The following CLSTN1 variants were observed in gnomAD, a reference collection of about 807,000 sequenced individuals.
CLSTN1 encodes the protein calsyntenin 1, also known as calsyntenin-1.
Under a neutral mutation model 108.3 loss-of-function variants are expected in CLSTN1, and 28 were observed. That is an observed-to-expected ratio of 0.26 (90% CI 0.19 to 0.35). The LOEUF is 0.35. Ranked by LOEUF, CLSTN1 falls within the 10% of genes least tolerant of loss-of-function variation. CLSTN1 has a pLI of 1.00. For missense variants in CLSTN1, 1,157 were observed against 1,302.6 expected, an observed-to-expected ratio of 0.89 and a Z score of 1.72; for synonymous variants, 524 against 534.9, an observed-to-expected ratio of 0.98 and a Z score of 0.28.
At chr1:9,755,078 G>A (rs745954269) in intron 4 of CLSTN1, 36 bp downstream of exon 4, 21 of 1,573,154 alleles carry the variant, frequency 1.3e-5, no homozygotes, top group Admixed American at 1.7e-5. Flanking sequence ...ACGTTTACTC[G>A]GTGGGTTATG....
chr1:9,739,795 G>C (rs1650878530), intron 10 of CLSTN1, among the ~76,000 whole-genome samples: 1 of 151,632 alleles, frequency 6.6e-6, no homozygotes, highest in East Asian at 1.9e-4. Flanking sequence ...CTGTTGCTCG[G>C]GCTGGAGTGC....
At chr1:9,788,519 G>A (rs2101216055) in intron 1 of CLSTN1, among the ~76,000 whole-genome samples, 1 of 150,876 alleles carries the variant, frequency 6.6e-6, no homozygotes, top group East Asian at 2.0e-4. Context: ...AGTGAGCTGA[G>A]ATCATGCCAC....
At chr1:9,811,365 G>A (rs1214873377) in intron 1 of CLSTN1, among the ~76,000 whole-genome samples, 1 of 152,194 alleles carries the variant, frequency 6.6e-6, no homozygotes, top group Admixed American at 6.5e-5. Context: ...AGGTAAACAA[G>A]AGGCGGCTCT....
intron 1 of CLSTN1, among the ~76,000 whole-genome samples, chr1:9,796,692 G>GA (rs932876416): frequency 6.6e-6 from 1 of 151,956 alleles, no homozygotes; most frequent in Non-Finnish European, 1.5e-5. Flanking sequence ...TCAAAAAAAA[G>GA]AAAGAAAAGA....
intron 10 of CLSTN1, among the ~76,000 whole-genome samples, chr1:9,739,944 G>A (rs1650890827): frequency 6.6e-6 from 1 of 151,558 alleles, no homozygotes; most frequent in African/African-American, 2.4e-5. Context: ...AGCCTCCCGA[G>A]TAGCTGGGAC....
chr1:9,750,004 T>A, intron 5 of CLSTN1, 91 bp from the exon 6 acceptor site: 2 of 1,035,342 alleles, frequency 1.9e-6, no homozygotes, highest in Non-Finnish European at 2.9e-6. Flanking sequence ...GCATAGGCTT[T>A]AAGCCCTGTA....
At chr1:9,802,351 C>T (rs1020014642) in intron 1 of CLSTN1, among the ~76,000 whole-genome samples, 2 of 152,226 alleles carry the variant, frequency 1.3e-5, no homozygotes, top group Non-Finnish European at 2.9e-5. Flanking sequence ...GAGGATCCTA[C>T]GTCAAAAGCT....
At chr1:9,740,026 C>A (rs1650895598) in intron 10 of CLSTN1, among the ~76,000 whole-genome samples, 1 of 151,762 alleles carries the variant, frequency 6.6e-6, no homozygotes, top group Non-Finnish European at 1.5e-5. Context: ...CTGTGTTAGC[C>A]AGGATGGTCT....
chr1:9,781,476 T>G (rs1653244386), intron 1 of CLSTN1, among the ~76,000 whole-genome samples: 1 of 151,510 alleles, frequency 6.6e-6, no homozygotes, highest in Non-Finnish European at 1.5e-5. Context: ...GGAGTTTCGC[T>G]CTTGTCACCC....
chr1:9,787,474 G>A (rs941979440), intron 1 of CLSTN1, among the ~76,000 whole-genome samples: 2 of 147,954 alleles, frequency 1.4e-5, no homozygotes, highest in African/African-American at 5.0e-5. Flanking sequence ...TGTGATCTCG[G>A]CTCACTGCAA....
At chr1:9,770,391 C>T (rs1652613235) in intron 2 of CLSTN1, among the ~76,000 whole-genome samples, 1 of 152,168 alleles carries the variant, frequency 6.6e-6, no homozygotes, top group African/African-American at 2.4e-5. Context: ...ATTGATAAGA[C>T]TTTTTCTTTC....
At chr1:9,765,977 T>C (rs1393381676) in intron 2 of CLSTN1, among the ~76,000 whole-genome samples, 4 of 152,012 alleles carry the variant, frequency 2.6e-5, no homozygotes, top group African/African-American at 4.8e-5. Context: ...GGCAGTGAAA[T>C]GCAGCAGTTA....
At position 9,730,834 on chromosome 1, in the gene CLSTN1, G is replaced by T; in HGVS notation, c.2749-129C>A. 1.2e-6 allele frequency: 1 copy of T among 860,906 alleles called. No individual in the cohort carries two copies. The highest frequency in any genetic ancestry group is 1.8e-6 in the Non-Finnish European group (1 of 551,996). 53.3% of individuals were successfully genotyped at this position (860,906 alleles called of 1,614,324 possible). A position where few individuals can be genotyped will look rare whatever the true frequency, so the allele number is the denominator to read the frequency against. ...CGTCTCCCTCCCCAGCGACAGAGCA[G>T]CCAGGACGGCACCGGAAGTTATATT... On this transcript the variant is annotated intron_variant, in intron 18 of 18. Transcript: ENST00000377298. The surrounding 1 kb of genome is among the most constrained non-coding windows in gnomAD (Gnocchi z 5.6).
intron 1 of CLSTN1, among the ~76,000 whole-genome samples, chr1:9,821,647 G>GA (rs1290788464): frequency 2.6e-5 from 4 of 152,120 alleles, no homozygotes; most frequent in Non-Finnish European, 5.9e-5. Flanking sequence ...TCAATTAGTT[G>GA]AAATGATCTC....
At chr1:9,774,648 T>C (rs1213927239) in intron 1 of CLSTN1, among the ~76,000 whole-genome samples, 1 of 151,948 alleles carries the variant, frequency 6.6e-6, no homozygotes, top group East Asian at 1.9e-4. Context: ...GTGACCTTAA[T>C]TAAGTACATT....
chr1:9,750,027 G>C (rs1651479128), intron 5 of CLSTN1, 114 bp from the exon 6 acceptor site: 1 of 813,818 alleles, frequency 1.2e-6, no homozygotes, highest in African/African-American at 1.7e-5. Context: ...TACTCAGCCA[G>C]AAATAAACAT....
intron 1 of CLSTN1, among the ~76,000 whole-genome samples, chr1:9,795,182 T>G (rs1253979110): frequency 6.7e-6 from 1 of 150,300 alleles, no homozygotes; most frequent in East Asian, 2.0e-4. Flanking sequence ...TTTTTTTTTT[T>G]GAGGTGGAGT....
At chr1:9,757,434 G>A (rs1651873302) in intron 2 of CLSTN1, among the ~76,000 whole-genome samples, 1 of 151,328 alleles carries the variant, frequency 6.6e-6, no homozygotes. Context: ...GTAGAGACAG[G>A]GTTTCACCAT....
chr1:9,790,278 C>T (rs902872511), intron 1 of CLSTN1, among the ~76,000 whole-genome samples: 1 of 151,300 alleles, frequency 6.6e-6, no homozygotes, highest in East Asian at 2.0e-4. Flanking sequence ...AGTAGGTTTT[C>T]GTAGATGTTA....
Sources: allele counts gnomAD v4.1 joint callset (sites outside exome capture counted in the v4.1 genomes callset), GRCh38; gene constraint gnomAD v4.1.1; non-coding constraint Gnocchi (gnomAD v3.1); transcripts MANE v1.5; gene names NCBI Gene and HGNC (gene_info 2026-07-23, HGNC 2026-07-21).